Variants in GABRG3 observed in about 807,000 individuals in gnomAD.
The protein encoded by GABRG3 is gamma-aminobutyric acid type A receptor subunit gamma3.
GABRG3 carries 25 observed loss-of-function variants against 48.8 expected under a neutral mutation model. That is an observed-to-expected ratio of 0.51 (90% CI 0.37 to 0.72). GABRG3 has a LOEUF of 0.72. Ranked by LOEUF, GABRG3 falls within the 30% of genes least tolerant of loss-of-function variation. The pLI is 0.00. For missense variants in GABRG3, 394 were observed against 577.9 expected (o/e 0.68, Z 3.26); for synonymous variants, 227 against 217.6 (o/e 1.04, Z -0.38).
intron 3 of GABRG3, among the ~76,000 whole-genome samples, chr15:27,148,696 TA>T (rs1307857663): frequency 3.3e-5 from 5 of 151,870 alleles, no homozygotes; most frequent in African/African-American, 1.2e-4. Flanking sequence ...TGGTTCAACA[TA>T]AAAAAATCAT....
chr15:27,340,917 T>A, intron 5 of GABRG3: 2 of 473,134 alleles, frequency 4.2e-6, no homozygotes, highest in Non-Finnish European at 8.3e-6. Context: ...AGCATTTGCT[T>A]TTTGAAAGCT....
intron 3 of GABRG3, among the ~76,000 whole-genome samples, chr15:27,242,639 C>T (rs928055933): frequency 3.3e-5 from 5 of 152,178 alleles, no homozygotes; most frequent in Non-Finnish European, 5.9e-5. Context: ...GCTCAATTTA[C>T]GTTCTATTCA....
intron 5 of GABRG3, among the ~76,000 whole-genome samples, chr15:27,384,547 C>T (rs968464660): frequency 3.3e-5 from 5 of 152,104 alleles, no homozygotes; most frequent in South Asian, 2.1e-4. Flanking sequence ...ATTTAATTGA[C>T]GGAAGAGTTT....
intron 6 of GABRG3, among the ~76,000 whole-genome samples, chr15:27,493,277 A>G (rs1051424137): frequency 3.9e-5 from 6 of 152,186 alleles, no homozygotes; most frequent in Admixed American, 1.3e-4. Flanking sequence ...TTTTAAAAAA[A>G]TCTCAAAAGT....
intron 5 of GABRG3, among the ~76,000 whole-genome samples, chr15:27,408,602 C>T (rs1344781265): frequency 1.3e-5 from 2 of 152,150 alleles, no homozygotes; most frequent in Non-Finnish European, 2.9e-5. Context: ...GCGGTAATAG[C>T]TGTGAGGGCC....
intron 3 of GABRG3, among the ~76,000 whole-genome samples, chr15:27,301,530 A>G (rs1892205759): frequency 6.6e-6 from 1 of 152,152 alleles, no homozygotes; most frequent in African/African-American, 2.4e-5. Flanking sequence ...ACATAGGTAA[A>G]TGGAAGTTAG....
intron 5 of GABRG3, among the ~76,000 whole-genome samples, chr15:27,347,430 G>A (rs1353009587): frequency 6.6e-6 from 1 of 152,006 alleles, no homozygotes; most frequent in Non-Finnish European, 1.5e-5. Flanking sequence ...CAGCTACAGT[G>A]CCCCCCAGTC....
At chr15:27,188,820 G>A (rs1888191748) in intron 3 of GABRG3, among the ~76,000 whole-genome samples, 3 of 152,112 alleles carry the variant, frequency 2.0e-5, no homozygotes, top group Non-Finnish European at 4.4e-5. Context: ...TGTCCTGAAT[G>A]GTAAAGCCTA....
At chr15:27,466,013 G>T (rs1390373341) in intron 5 of GABRG3, among the ~76,000 whole-genome samples, 2 of 152,170 alleles carry the variant, frequency 1.3e-5, no homozygotes, top group African/African-American at 4.8e-5. Flanking sequence ...GATTGAGTGG[G>T]TTGGTTAATA....
intron 3 of GABRG3, among the ~76,000 whole-genome samples, chr15:27,189,904 A>G (rs929522095): frequency 2.4e-4 from 36 of 152,266 alleles, no homozygotes; most frequent in Non-Finnish European, 4.3e-4. Flanking sequence ...CGTCCCATCA[A>G]TACCTAATTT....
intron 5 of GABRG3, among the ~76,000 whole-genome samples, chr15:27,479,323 A>G (rs976845258): frequency 6.6e-6 from 1 of 152,228 alleles, no homozygotes; most frequent in Non-Finnish European, 1.5e-5. Context: ...CTTCATAGAA[A>G]TGCTTCAGAC....
intron 5 of GABRG3, among the ~76,000 whole-genome samples, chr15:27,371,867 G>A (rs1895426958): frequency 6.6e-6 from 1 of 152,026 alleles, no homozygotes; most frequent in African/African-American, 2.4e-5. Flanking sequence ...TTAGAACATA[G>A]ACGTGATGGG....
intron 3 of GABRG3, among the ~76,000 whole-genome samples, chr15:27,096,123 C>G (rs1897262294): frequency 6.6e-6 from 1 of 152,212 alleles, no homozygotes; most frequent in African/African-American, 2.4e-5. Context: ...ACAAATTGTT[C>G]TTTCACGATT....
intron 3 of GABRG3, among the ~76,000 whole-genome samples, chr15:27,239,800 T>C (rs2140452976): frequency 6.6e-6 from 1 of 152,336 alleles, no homozygotes; most frequent in African/African-American, 2.4e-5. Flanking sequence ...AAGTAAATGA[T>C]AGTCGACAGC....
chr15:27,228,877 T>C (rs1889707916), intron 3 of GABRG3, among the ~76,000 whole-genome samples: 1 of 152,254 alleles, frequency 6.6e-6, no homozygotes, highest in Admixed American at 6.5e-5. Flanking sequence ...GAGAAGTGTC[T>C]GTTCATGTCC....
intron 9 of GABRG3, among the ~76,000 whole-genome samples, chr15:27,532,060 A>T (rs1245033549): frequency 6.6e-6 from 1 of 152,150 alleles, no homozygotes; most frequent in African/African-American, 2.4e-5. Flanking sequence ...CACTAATTAG[A>T]AAAAAGTAAC....
rs1003614881 is a variant in GABRG3 at position 27,325,014 on chromosome 15, C to G, written c.271-1795C>G. Among the ~76,000 whole-genome samples, 6 of 116,180 alleles carry G rather than the reference C, an allele frequency of 5.2e-5. No individual in the cohort carries two copies. In the East Asian group the frequency reaches 1.3e-3, roughly 26 times the overall value. The allele number at this position is 116,180 out of a possible 152,430, so 76.2% of individuals were successfully genotyped here. On this transcript the variant is annotated intron_variant, in intron 3 of 9. Coordinates refer to ENST00000615808, the MANE Select transcript of GABRG3 (RefSeq NM_033223.5). Reference sequence around the variant, plus strand: ...GTTGTTTCAATGGACTTTGGCACTGCAAAGTCCCCTTAGAGATTTCACCCA... The same window carrying G: ...GTTGTTTCAATGGACTTTGGCACTGGAAAGTCCCCTTAGAGATTTCACCCA...
chr15:27,413,980 A>C (rs966192487), intron 5 of GABRG3, among the ~76,000 whole-genome samples: 2 of 152,192 alleles, frequency 1.3e-5, no homozygotes, highest in African/African-American at 4.8e-5. Context: ...TTGTATGGAT[A>C]AAATGTGCAA....
At chr15:27,222,511 C>A (rs1036396653) in intron 3 of GABRG3, among the ~76,000 whole-genome samples, 1 of 152,190 alleles carries the variant, frequency 6.6e-6, no homozygotes, top group African/African-American at 2.4e-5. Flanking sequence ...AGGACATGGA[C>A]TTTGGATTCC....
Sources: gnomAD v4.1 joint callset for allele counts (sites outside exome capture counted in the v4.1 genomes callset) on GRCh38, gnomAD v4.1.1 for gene constraint, MANE v1.5 for transcripts, NCBI Gene and HGNC (gene_info 2026-07-23, HGNC 2026-07-21) for gene names.